SPATA16: variants seen among roughly 807,000 people sequenced by gnomAD.
SPATA16 encodes spermatogenesis-associated protein 16.
Under a neutral mutation model 63.3 loss-of-function variants are expected in SPATA16, and 36 were observed. That is an observed-to-expected ratio of 0.57 (90% CI 0.44 to 0.75). The LOEUF is 0.75. Among genes scored for constraint, SPATA16 ranks in the 30% least tolerant of loss-of-function variants. The pLI, the probability that SPATA16 is intolerant of heterozygous loss-of-function variation, is 0.00. For missense variants in SPATA16, 646 were observed against 679.3 expected, an observed-to-expected ratio of 0.95 and a Z score of 0.54; for synonymous variants, 203 against 216.7, an observed-to-expected ratio of 0.94 and a Z score of 0.56.
intron 1 of SPATA16, among the ~76,000 whole-genome samples, chr3:173,135,503 A>G (rs924918183): frequency 3.9e-5 from 6 of 152,204 alleles, no homozygotes; most frequent in African/African-American, 1.2e-4. Flanking sequence ...ACAACAACGT[A>G]ATAACATAAT....
chr3:173,047,596 G>T (rs1384143924), intron 3 of SPATA16, among the ~76,000 whole-genome samples: 1 of 151,890 alleles, frequency 6.6e-6, no homozygotes, highest in African/African-American at 2.4e-5. Context: ...TTTTTAGTCT[G>T]TAAATAGTTT....
intron 6 of SPATA16, 62 bp downstream of exon 6, chr3:172,956,615 C>A: frequency 6.4e-7 from 1 of 1,551,240 alleles, no homozygotes; most frequent in East Asian, 2.3e-5. Flanking sequence ...CCAGAAAGAA[C>A]CCTGTATTTG....
intron 6 of SPATA16, among the ~76,000 whole-genome samples, chr3:172,943,330 C>G (rs1040900039): frequency 6.6e-6 from 1 of 152,128 alleles, no homozygotes; most frequent in Admixed American, 6.5e-5. Flanking sequence ...AAATTTAAGT[C>G]TTTTTAAATG....
At chr3:173,113,353 T>C (rs867856432) in intron 2 of SPATA16, among the ~76,000 whole-genome samples, 1 of 152,202 alleles carries the variant, frequency 6.6e-6, no homozygotes, top group Non-Finnish European at 1.5e-5. Context: ...GAGCATACGA[T>C]GACTGTTTTT....
intron 2 of SPATA16, among the ~76,000 whole-genome samples, chr3:173,080,866 A>G (rs1736907400): frequency 6.6e-6 from 1 of 152,174 alleles, no homozygotes; most frequent in African/African-American, 2.4e-5. Flanking sequence ...TTGATGTCCA[A>G]AAAATTATCA....
chr3:172,960,185 A>T (rs1235211039), intron 5 of SPATA16, among the ~76,000 whole-genome samples: 1 of 152,244 alleles, frequency 6.6e-6, no homozygotes, highest in Non-Finnish European at 1.5e-5. Flanking sequence ...GTTGTAAAAA[A>T]TAAGCTATAC....
intron 8 of SPATA16, among the ~76,000 whole-genome samples, chr3:172,922,764 T>C (rs1020988461): frequency 6.6e-6 from 1 of 151,752 alleles, no homozygotes; most frequent in Non-Finnish European, 1.5e-5. Context: ...CTACTAAAAA[T>C]ACAAAAAAAT....
intron 5 of SPATA16, among the ~76,000 whole-genome samples, chr3:172,973,717 T>C (rs1179981038): frequency 6.6e-6 from 1 of 152,174 alleles, no homozygotes; most frequent in Non-Finnish European, 1.5e-5. Flanking sequence ...ATAAAGTTCT[T>C]GTAATAAAAT....
chr3:173,080,006 T>TA (rs1736889250), intron 2 of SPATA16, among the ~76,000 whole-genome samples: 2 of 152,048 alleles, frequency 1.3e-5, no homozygotes, highest in African/African-American at 4.8e-5. Context: ...TTGTTCAGCA[T>TA]AAATATGCCC....
intron 5 of SPATA16, among the ~76,000 whole-genome samples, chr3:172,967,291 A>G (rs1733938350): frequency 6.6e-6 from 1 of 152,236 alleles, no homozygotes; most frequent in African/African-American, 2.4e-5. Flanking sequence ...GAGGCAAAAA[A>G]AGTAAAGAAA....
rs1170703367 is a variant in SPATA16, at chr3:173,117,741, C to T, written c.-10G>A. 1.2e-6 allele frequency: 2 copies of T among 1,614,058 alleles called. No homozygotes were observed. Among genetic ancestry groups the T allele is most frequent in the Non-Finnish European group, 1.7e-6 (2 of 1,179,976 alleles). On this transcript the variant is annotated 5_prime_UTR_variant, in exon 2 of 11. Transcript: ENST00000351008. ...TGCTTCCTGCATCCATCGATCCTGCCCAAAACTCCTGCAGGGGGGAGAAAA... is the reference window on the plus strand; with the variant it reads ...TGCTTCCTGCATCCATCGATCCTGCTCAAAACTCCTGCAGGGGGGAGAAAA...
intron 5 of SPATA16, among the ~76,000 whole-genome samples, chr3:172,964,152 C>T (rs12497957): frequency 0.3 from 46,007 of 151,972 alleles, 7,666 homozygotes; most frequent in Middle Eastern, 0.39. Context: ...CTGTTTTGTC[C>T]ACTGGCCCCT....
chr3:173,088,761 G>A (rs1737149653), intron 2 of SPATA16, among the ~76,000 whole-genome samples: 1 of 152,180 alleles, frequency 6.6e-6, no homozygotes, highest in South Asian at 2.1e-4. Context: ...GGTACAAAGT[G>A]CCTTCCCATA....
rs577008304 is a variant in SPATA16 at position 172,971,963 on chromosome 3, G to A, written c.933+5005C>T. Reference sequence around the variant, plus strand: ...TGAACCCTGAAGTCCATAGAAAGGCGTTAGGGGCCCACAAACTATGGGCCG... The same window carrying A: ...TGAACCCTGAAGTCCATAGAAAGGCATTAGGGGCCCACAAACTATGGGCCG... On this transcript the variant is annotated intron_variant, in intron 5 of 10. Coordinates refer to ENST00000351008, the MANE Select transcript of SPATA16 (RefSeq NM_031955.6). Among the ~76,000 whole-genome samples the A allele has an allele frequency of 1.8e-4, 27 of 152,240 alleles. 1 individual carries two copies. Among genetic ancestry groups the A allele is most frequent in the East Asian group, 7.7e-4 (4 of 5,170 alleles).
At chr3:173,118,793 A>T (rs2108338238) in intron 1 of SPATA16, among the ~76,000 whole-genome samples, 1 of 152,310 alleles carries the variant, frequency 6.6e-6, no homozygotes, top group Middle Eastern at 3.4e-3. Context: ...TCCTAGCCTG[A>T]GATACTTCCT....
In SPATA16 at chr3:173,042,865, A is replaced by C. The variant is rs189053149; in HGVS notation, c.758+6084T>G. ...TTAAATTGATTTCTAATTTAATTAC[A>C]TTATGGTTAGAGAACAAGCTCTATA... On this transcript the variant is annotated intron_variant, in intron 3 of 10. Transcript: ENST00000351008. Among the ~76,000 whole-genome samples the C allele has an allele frequency of 4.0e-3, 613 of 152,236 alleles. 6 individuals carry two copies. The highest frequency in any genetic ancestry group is 0.014 in the African/African-American group (589 of 41,554).
At chr3:173,086,599 T>C (rs1376293569) in intron 2 of SPATA16, among the ~76,000 whole-genome samples, 2 of 152,144 alleles carry the variant, frequency 1.3e-5, no homozygotes, top group African/African-American at 2.4e-5. Flanking sequence ...TGTTTGCTCT[T>C]GGTTCTTTAG....
chr3:172,913,827 A>T (rs115605249), intron 9 of SPATA16, 83 bp from the exon 10 acceptor site: 36,075 of 1,223,012 alleles, frequency 0.029, 639 homozygotes, highest in Non-Finnish European at 0.036. Context: ...ACCTAATTAA[A>T]AAATCATTTG....
intron 6 of SPATA16, among the ~76,000 whole-genome samples, chr3:172,947,140 T>A (rs939127864): frequency 2.6e-4 from 39 of 152,292 alleles, no homozygotes; most frequent in African/African-American, 8.9e-4. Flanking sequence ...GTTACAGGAC[T>A]TTAGGTGCCC....
Sources: gnomAD v4.1 joint callset for allele counts (sites outside exome capture counted in the v4.1 genomes callset) on GRCh38, gnomAD v4.1.1 for gene constraint, MANE v1.5 for transcripts, NCBI Gene and HGNC (gene_info 2026-07-23, HGNC 2026-07-21) for gene names.